EPHA1: variants seen among roughly 807,000 people sequenced by gnomAD.
The protein encoded by EPHA1 is ephrin type-A receptor 1.
Under a neutral mutation model 110.1 loss-of-function variants are expected in EPHA1, and 92 were observed. The ratio of observed to expected loss-of-function variants is 0.84; its 90% CI spans 0.71 to 0.99. The LOEUF (loss-of-function observed/expected upper bound fraction) is 0.99, where lower values mean the gene tolerates loss of function less well. Ranked by LOEUF, EPHA1 falls within the 50% of genes least tolerant of loss-of-function variation. The pLI, the probability that EPHA1 is intolerant of heterozygous loss-of-function variation, is 0.00. For synonymous variants in EPHA1, 500 were observed against 516.1 expected, an observed-to-expected ratio of 0.97 and a Z score of 0.42; for missense variants, 1,204 against 1,285.4, an observed-to-expected ratio of 0.94 and a Z score of 0.97.
Position 143,401,215 on chromosome 7 carries a change from A to G in EPHA1, c.432+109T>C, listed in dbSNP as rs1248958110. The G allele has an allele frequency of 7.1e-7, 1 of 1,418,114 alleles. No homozygotes were observed. The highest frequency in any genetic ancestry group is 1.4e-5 in the African/African-American group (1 of 69,984). The allele number at this position is 1,418,114 out of a possible 1,614,324, so 87.8% of individuals were successfully genotyped here. On this transcript the variant is annotated intron_variant, in intron 3 of 17. Transcript: ENST00000275815. This position sits in a 1 kb window ranked among gnomAD's most constrained non-coding sequence, Gnocchi z 4.1. ...GCCTTCAAGCGCCAAATTCTTTTCA[A>G]GATTCTACCTCTGCACCCTCTTCCT...
chr7:143,408,091 T>C (rs544197946), intron 1 of EPHA1, among the ~76,000 whole-genome samples: 4 of 151,942 alleles, frequency 2.6e-5, no homozygotes, highest in Middle Eastern at 3.4e-3. Flanking sequence ...TCAGAAGGGG[T>C]TTCCTGGGTA....
intron 6 of EPHA1, 56 bp downstream of exon 6, chr7:143,398,545 T>C: frequency 1.9e-6 from 3 of 1,606,850 alleles, no homozygotes; most frequent in Non-Finnish European, 2.6e-6. Flanking sequence ...TGTTCTGTGG[T>C]CTTAAGCCCT....
Position 143,391,268 on chromosome 7 carries a change from C to T in EPHA1, c.*189G>A. ...TCCCATGATCATCCTTTTACTTCTA[C>T]CCCCACCTCCCTTTTAAAACAAAGA... On this transcript the variant is annotated 3_prime_UTR_variant, in exon 18 of 18. Transcript: ENST00000275815. The T allele has an allele frequency of 1.6e-6, 1 of 643,760 alleles. No homozygotes were observed. The highest frequency in any genetic ancestry group is 2.7e-6 in the Non-Finnish European group (1 of 372,070). 39.9% of individuals were successfully genotyped at this position (643,760 alleles called of 1,614,324 possible).
Position 143,395,671 on chromosome 7 carries a change from G to T in EPHA1, c.1898-167C>A. 3 of 688,426 alleles carry T rather than the reference G, an allele frequency of 4.4e-6. No homozygotes were observed. The highest frequency in any genetic ancestry group is 3.9e-5 in the South Asian group (2 of 51,860). The allele number at this position is 688,426 out of a possible 1,614,324, so 42.6% of individuals were successfully genotyped here. A position where few individuals can be genotyped will look rare whatever the true frequency, so the allele number is the denominator to read the frequency against. ...GCTGTCCTTCCTGGGGAAGGTCAGA[G>T]TCTGGAGCTGGAGTGCAATGCCGTG... On this transcript the variant is annotated intron_variant, in intron 11 of 17. Coordinates refer to ENST00000275815, the MANE Select transcript of EPHA1 (RefSeq NM_005232.5). The surrounding 1 kb of genome is among the most constrained non-coding windows in gnomAD (Gnocchi z 4.7).
Position 143,398,739 on chromosome 7 carries a change from TGAG to T in EPHA1, c.1195_1197del (p.Leu399del). The T allele has an allele frequency of 6.2e-7, 1 of 1,613,962 alleles. No homozygotes were observed. The highest frequency in any genetic ancestry group is 8.5e-7 in the Non-Finnish European group (1 of 1,179,924). The stretch of plus-strand genomic sequence containing the variant: ...CCATTGACATGCACTGCAGGTGTGG[TGAG>T]CCCCCGGGCCCCCGGCGAGAAGTGC... On this transcript the variant is annotated inframe_deletion, in exon 6 of 18. Transcript: ENST00000275815.
At chr7:143,394,469 G>A in intron 14 of EPHA1, 126 bp from the exon 15 acceptor site, 5 of 1,210,548 alleles carry the variant, frequency 4.1e-6, no homozygotes, top group Non-Finnish European at 4.5e-6. Flanking sequence ...TTGCTAGGCT[G>A]CAGTGCAGTG....
Position 143,393,693 on chromosome 7 carries a change from T to C in EPHA1, c.2674A>G (p.Thr892Ala). ...TACCTGGGGTCAAAGTTGGCAATGG[T>C]CCGCAGGGAGTGGGGGTTGGCAAGC... ...QLLANPHSLRTIANFDPRMTL... is the reference protein window; with the variant it reads ...QLLANPHSLRAIANFDPRMTL... The change falls in exon 16 of 18, where the codon ACC becomes GCC. Residue 892 changes from threonine (T) to alanine (A), a missense_variant. Coordinates refer to ENST00000275815, the MANE Select transcript of EPHA1 (RefSeq NM_005232.5). This position sits in a 1 kb window ranked among gnomAD's most constrained non-coding sequence, Gnocchi z 5.6. 1 of 1,613,736 alleles carries C rather than the reference T, an allele frequency of 6.2e-7. No homozygotes were observed. Among genetic ancestry groups the C allele is most frequent in the South Asian group, 1.1e-5 (1 of 91,056 alleles).
Position 143,391,765 on chromosome 7 carries a change from G to A in EPHA1, c.2707C>T (p.Arg903Cys), listed in dbSNP as rs748905712. The A allele has an allele frequency of 3.7e-6, 6 of 1,613,744 alleles. No individual in the cohort carries two copies. Among genetic ancestry groups the A allele is most frequent in the East Asian group, 2.2e-5 (1 of 44,888 alleles). Reference sequence around the variant, plus strand: ...TCTGAGCCACTCAGGCTGGGCAGGCGAAGAGTCATCCTGTGGGACATGGGC... The same window carrying A: ...TCTGAGCCACTCAGGCTGGGCAGGCAAAGAGTCATCCTGTGGGACATGGGC... ...IANFDPRMTL[R>C]LPSLSGSDGI... Residue 903 changes from arginine to cysteine, a missense_variant, in exon 17 of 18, where the codon CGC becomes TGC. Coordinates refer to ENST00000275815, the MANE Select transcript of EPHA1 (RefSeq NM_005232.5).
intron 16 of EPHA1, among the ~76,000 whole-genome samples, chr7:143,392,328 G>A (rs1437176453): frequency 6.6e-6 from 1 of 152,172 alleles, no homozygotes; most frequent in Non-Finnish European, 1.5e-5. Context: ...AAATCTGCTG[G>A]GGGAAAAAAT....
At chr7:143,396,839 A>G (rs1805265652) in intron 10 of EPHA1, among the ~76,000 whole-genome samples, 1 of 152,102 alleles carries the variant, frequency 6.6e-6, no homozygotes, top group Non-Finnish European at 1.5e-5. Flanking sequence ...CCTCGTTCAC[A>G]TTCCCAGACA....
At chr7:143,399,560 ACT>A in intron 4 of EPHA1, 89 bp downstream of exon 4, 7 of 1,576,404 alleles carry the variant, frequency 4.4e-6, no homozygotes, top group Non-Finnish European at 6.0e-6. Context: ...TTAAAAACCC[ACT>A]GAGGCGGAGC....
At position 143,407,594 on chromosome 7, in the gene EPHA1, C is replaced by A; in HGVS notation, c.150+17G>T. 4 of 1,612,608 alleles carry A rather than the reference C, an allele frequency of 2.5e-6. No homozygotes were observed. The East Asian group carries it at 8.9e-5, about 36-fold the overall frequency. ...CTTCAGGAGTTTTCCAAGATCCTTCCCTCTTCCGACACTTACCCCATCTTT... is the reference window on the plus strand; with the variant it reads ...CTTCAGGAGTTTTCCAAGATCCTTCACTCTTCCGACACTTACCCCATCTTT... On this transcript the variant is annotated intron_variant, in intron 2 of 17. Transcript: ENST00000275815.
chr7:143,394,819 A>G lies in EPHA1; in HGVS notation c.2341T>C (p.Tyr781His), dbSNP rs1382179005. ...TRLLDDFDGT[Y>H]ETQGGKIPIR... ...TACCGGCCTCTAACCTGGGTTTCGT[A>G]TGTGCCATCAAAGTCATCCAGGAGG... Residue 781 changes from tyrosine (Y) to histidine (H), a missense_variant, in exon 14 of 18, where the codon TAC becomes CAC. Coordinates refer to ENST00000275815, the MANE Select transcript of EPHA1 (RefSeq NM_005232.5). 1.9e-6 allele frequency: 3 copies of G among 1,614,114 alleles called. No homozygotes were observed. The highest frequency in any genetic ancestry group is 2.5e-6 in the Non-Finnish European group (3 of 1,180,030).
intron 7 of EPHA1, 42 bp from the exon 8 acceptor site, chr7:143,398,112 A>G: frequency 6.2e-7 from 1 of 1,608,050 alleles, no homozygotes. Context: ...GCTGAGCCAG[A>G]CCCGGGTGGA....
chr7:143,408,204 G>C (rs558087095), intron 1 of EPHA1, among the ~76,000 whole-genome samples: 2 of 152,148 alleles, frequency 1.3e-5, no homozygotes, highest in Admixed American at 6.5e-5. Flanking sequence ...CCTGGGAAGT[G>C]GGGGGGAGTA....
intron 16 of EPHA1, among the ~76,000 whole-genome samples, chr7:143,392,799 G>C (rs760644350): frequency 2.0e-5 from 3 of 152,050 alleles, no homozygotes; most frequent in Non-Finnish European, 4.4e-5. Flanking sequence ...AAAATTAGCC[G>C]GGCATGGTGG....
At chr7:143,402,816 C>A (rs980925632) in intron 2 of EPHA1, among the ~76,000 whole-genome samples, 7 of 152,126 alleles carry the variant, frequency 4.6e-5, no homozygotes, top group African/African-American at 1.4e-4. Context: ...AGAATTCATG[C>A]CTTTAATCAT....
rs768075049 is a variant in EPHA1, at chr7:143,396,435, G to C, written c.1847C>G (p.Thr616Ser). The change falls in exon 11 of 18, where the codon ACC becomes AGC. Residue 616 changes from threonine (T) to serine (S), a missense_variant. Coordinates refer to ENST00000275815, the MANE Select transcript of EPHA1 (RefSeq NM_005232.5). ...EDPAQGALDF[T>S]RELDPAWLMV... ...CAGCCACGCTGGATCAAGCTCCCGG[G>C]TAAAGTCCAGGGCTCCCTGTGCAGG... The C allele has an allele frequency of 4.3e-6, 7 of 1,613,828 alleles. No homozygotes were observed. Among genetic ancestry groups the C allele is most frequent in the East Asian group, 4.5e-5 (2 of 44,864 alleles).
chr7:143,395,793 G>A lies in EPHA1; in HGVS notation c.1898-289C>T, dbSNP rs147162101. Among the ~76,000 whole-genome samples the A allele has an allele frequency of 8.8e-3, 1,347 of 152,328 alleles. 21 individuals carry two copies. Among genetic ancestry groups the A allele is most frequent in the African/African-American group, 0.031 (1,277 of 41,570 alleles). ...GAATGAACCCTGTGGAGCGGGACTG[G>A]GCCGTGCTCATGAAGAGCAAGCTAG... On this transcript the variant is annotated intron_variant, in intron 11 of 17. Transcript: ENST00000275815. The surrounding 1 kb of genome is among the most constrained non-coding windows in gnomAD (Gnocchi z 4.7).
Sources: allele counts gnomAD v4.1 joint callset (sites outside exome capture counted in the v4.1 genomes callset), GRCh38; gene constraint gnomAD v4.1.1; non-coding constraint Gnocchi (gnomAD v3.1); transcripts MANE v1.5; gene names NCBI Gene and HGNC (gene_info 2026-07-23, HGNC 2026-07-21).